Variants in FAM107B observed in about 807,000 individuals in gnomAD.
FAM107B encodes the protein protein FAM107B.
FAM107B carries 21 observed loss-of-function variants against 31.5 expected under a neutral mutation model. The observed-to-expected ratio is 0.67, with a 90% CI of 0.47 to 0.96. The LOEUF is 0.96. Ranked by LOEUF, FAM107B falls within the 40% of genes least tolerant of loss-of-function variation. The pLI, the probability that FAM107B is intolerant of heterozygous loss-of-function variation, is 0.00. For missense variants in FAM107B, 452 were observed against 377.1 expected, an observed-to-expected ratio of 1.20 and a Z score of -1.64; for synonymous variants, 157 against 141.5, an observed-to-expected ratio of 1.11 and a Z score of -0.78.
At chr10:14,582,522 C>A (rs1342633812) in intron 2 of FAM107B, among the ~76,000 whole-genome samples, 1 of 151,632 alleles carries the variant, frequency 6.6e-6, no homozygotes, top group South Asian at 2.1e-4. Context: ...GACTAACAGG[C>A]GCCTGCCACC....
At chr10:14,701,180 T>C in intron 1 of FAM107B, among the ~76,000 whole-genome samples, 1 of 152,196 alleles carries the variant, frequency 6.6e-6, no homozygotes, top group East Asian at 1.9e-4. Context: ...GGAATAAATT[T>C]ATTTTTTAAA....
chr10:14,773,499 C>A (rs960560166), intron 1 of FAM107B, among the ~76,000 whole-genome samples: 1 of 152,130 alleles, frequency 6.6e-6, no homozygotes, highest in African/African-American at 2.4e-5. Context: ...TTTTAGAAAA[C>A]CTTTCCTCTA....
intron 2 of FAM107B, among the ~76,000 whole-genome samples, chr10:14,645,389 A>T (rs1011129299): frequency 6.6e-6 from 1 of 152,232 alleles, no homozygotes; most frequent in African/African-American, 2.4e-5. Context: ...TGTCACCTGT[A>T]TACACCAAGA....
intron 2 of FAM107B, among the ~76,000 whole-genome samples, chr10:14,631,681 C>T (rs1853357174): frequency 6.6e-6 from 1 of 152,160 alleles, no homozygotes; most frequent in African/African-American, 2.4e-5. Flanking sequence ...CTCTAACCTC[C>T]TGGGTCCCCA....
intron 1 of FAM107B, among the ~76,000 whole-genome samples, chr10:14,702,471 T>C (rs1022818486): frequency 6.6e-6 from 1 of 152,148 alleles, no homozygotes. Context: ...CTCAGCCCCC[T>C]GAGTAGCTGA....
At chr10:14,593,687 C>G (rs1241438521) in intron 2 of FAM107B, among the ~76,000 whole-genome samples, 1 of 149,352 alleles carries the variant, frequency 6.7e-6, no homozygotes, top group Non-Finnish European at 1.5e-5. Flanking sequence ...GACTGAGAAT[C>G]TGTCTCAAAA....
intron 1 of FAM107B, among the ~76,000 whole-genome samples, chr10:14,722,505 TATTACA>T (rs774370760): frequency 1.5e-4 from 23 of 152,244 alleles, no homozygotes; most frequent in Non-Finnish European, 2.9e-4. Flanking sequence ...GTCTTTTATT[TATTACA>T]GCCATCCTAA....
chr10:14,540,448 C>T (rs1848069484), intron 2 of FAM107B, among the ~76,000 whole-genome samples: 1 of 152,236 alleles, frequency 6.6e-6, no homozygotes, highest in Admixed American at 6.5e-5. Context: ...CCAGGGCTCC[C>T]TCCTTTGGTG....
At chr10:14,554,810 C>T (rs956138786) in intron 2 of FAM107B, among the ~76,000 whole-genome samples, 14 of 152,176 alleles carry the variant, frequency 9.2e-5, no homozygotes, top group African/African-American at 3.4e-4. Flanking sequence ...AGTGGGTGAG[C>T]AGAAGCAGCG....
At chr10:14,575,212 T>G (rs60673075) in intron 2 of FAM107B, among the ~76,000 whole-genome samples, 1,629 of 61,224 alleles carry the variant, frequency 0.027, 29 homozygotes, top group African/African-American at 0.084. Context: ...TGTTTTTTTG[T>G]TTTTTTTTTG....
chr10:14,525,425 A>G (rs1388875711), intron 3 of FAM107B, among the ~76,000 whole-genome samples: 1 of 152,224 alleles, frequency 6.6e-6, no homozygotes, highest in African/African-American at 2.4e-5. Flanking sequence ...GAAAAGTAAT[A>G]TACCCATGTG....
chr10:14,596,226 A>G (rs542538966), intron 2 of FAM107B, among the ~76,000 whole-genome samples: 1 of 148,892 alleles, frequency 6.7e-6, no homozygotes, highest in East Asian at 2.1e-4. Flanking sequence ...GCCTCATCCT[A>G]ATAAAAACAC....
At chr10:14,725,079 C>T (rs1855999882) in intron 1 of FAM107B, among the ~76,000 whole-genome samples, 1 of 152,172 alleles carries the variant, frequency 6.6e-6, no homozygotes, top group Non-Finnish European at 1.5e-5. Flanking sequence ...AGAACAGAAA[C>T]AGCACCTGAG....
At chr10:14,670,651 A>G (rs1854517610) in intron 1 of FAM107B, among the ~76,000 whole-genome samples, 1 of 152,232 alleles carries the variant, frequency 6.6e-6, no homozygotes, top group Non-Finnish European at 1.5e-5. Flanking sequence ...AGAACTGTGA[A>G]ATAACATAGC....
At chr10:14,710,708 A>C (rs1855625991) in intron 1 of FAM107B, among the ~76,000 whole-genome samples, 1 of 152,204 alleles carries the variant, frequency 6.6e-6, no homozygotes, top group African/African-American at 2.4e-5. Flanking sequence ...TTAACAAAAA[A>C]AGTTCAAAAA....
At chr10:14,610,783 T>C (rs1852706084) in intron 2 of FAM107B, among the ~76,000 whole-genome samples, 1 of 152,236 alleles carries the variant, frequency 6.6e-6, no homozygotes, top group Non-Finnish European at 1.5e-5. Flanking sequence ...CTGCAGTAGT[T>C]ATCCACTACA....
rs1395207316 is a variant in FAM107B at position 14,572,735 on chromosome 10, A to ATTTT, written c.470-42221_470-42220insAAAA. Among the ~76,000 whole-genome samples, 153 of 114,266 alleles carry ATTTT rather than the reference A, an allele frequency of 1.3e-3. 1 individual carries two copies. The highest frequency in any genetic ancestry group is 3.0e-3 in the African/African-American group (94 of 31,728). The allele number at this position is 114,266 out of a possible 152,430, so 75.0% of individuals were successfully genotyped here. On this transcript the variant is annotated intron_variant, in intron 2 of 4. Transcript: ENST00000181796. Reference sequence around the variant, plus strand: ...ACCCCATCTCTTCAAAAAAAAAAAAAAATTTATATATATATATATATATAT... The same window carrying ATTTT: ...ACCCCATCTCTTCAAAAAAAAAAAAATTTTAATTTATATATATATATATATATAT...
intron 1 of FAM107B, among the ~76,000 whole-genome samples, chr10:14,696,133 A>G (rs1230963093): frequency 1.3e-5 from 2 of 152,108 alleles, no homozygotes; most frequent in Non-Finnish European, 2.9e-5. Flanking sequence ...GATGGCCTTC[A>G]CTGTTTTGAG....
At chr10:14,624,454 G>C (rs906939488) in intron 2 of FAM107B, among the ~76,000 whole-genome samples, 1 of 152,108 alleles carries the variant, frequency 6.6e-6, no homozygotes, top group South Asian at 2.1e-4. Flanking sequence ...TGGCCAAAAC[G>C]GTGAAACCCC....
Sources: allele counts gnomAD v4.1 joint callset (sites outside exome capture counted in the v4.1 genomes callset), GRCh38; gene constraint gnomAD v4.1.1; transcripts MANE v1.5; gene names NCBI Gene and HGNC (gene_info 2026-07-23, HGNC 2026-07-21).